The following RBPJ variants were observed in gnomAD, a reference collection of about 807,000 sequenced individuals.
RBPJ encodes the protein recombination signal binding protein for immunoglobulin kappa J region.
RBPJ carries 9 observed loss-of-function variants against 67.8 expected under a neutral mutation model. That is an observed-to-expected ratio of 0.13 (90% confidence interval 0.08 to 0.23). RBPJ has a LOEUF of 0.23. Ranked by LOEUF, RBPJ falls within the 10% of genes least tolerant of loss-of-function variation. RBPJ has a pLI of 1.00. For missense variants in RBPJ, 305 were observed against 595.6 expected, an observed-to-expected ratio of 0.51 and a Z score of 5.08; for synonymous variants, 198 against 203.3, an observed-to-expected ratio of 0.97 and a Z score of 0.22.
intron 1 of RBPJ, among the ~76,000 whole-genome samples, chr4:26,304,272 T>C (rs1197110526): frequency 6.6e-6 from 1 of 152,256 alleles, no homozygotes; most frequent in East Asian, 1.9e-4. Context: ...TTTGCATTGC[T>C]TCCACTTTGG....
At chr4:26,112,847 C>T in the RBPJ span, 1 of 150,588 alleles carries the variant, frequency 6.6e-6, no homozygotes, top group East Asian at 1.9e-4. Context: ...CAACCTCCAC[C>T]TCTCAGGTTC....
At chr4:26,375,430 A>G (rs943107861) in intron 1 of RBPJ, among the ~76,000 whole-genome samples, 8 of 152,080 alleles carry the variant, frequency 5.3e-5, no homozygotes, top group Admixed American at 1.3e-4. Flanking sequence ...ATTTGCTGCT[A>G]TCTGTTCCAA....
chr4:26,177,652 G>A (rs1716842376), intron 1 of RBPJ, among the ~76,000 whole-genome samples: 2 of 151,636 alleles, frequency 1.3e-5, no homozygotes, highest in Admixed American at 6.6e-5. Flanking sequence ...AAGGAAGAAA[G>A]AAAGAAAGAG....
At chr4:26,327,595 A>G (rs954982500) in intron 1 of RBPJ, among the ~76,000 whole-genome samples, 6 of 138,294 alleles carry the variant, frequency 4.3e-5, no homozygotes, top group Non-Finnish European at 9.0e-5. Context: ...CTAAGAGCTA[A>G]TGATTATCTG....
At chr4:26,334,291 C>A (rs1724572478) in intron 1 of RBPJ, among the ~76,000 whole-genome samples, 1 of 152,172 alleles carries the variant, frequency 6.6e-6, no homozygotes, top group East Asian at 1.9e-4. Flanking sequence ...ATCTGCCTGC[C>A]TTGGCCTTCC....
At chr4:26,205,424 T>C (rs1378354929) in intron 1 of RBPJ, among the ~76,000 whole-genome samples, 1 of 152,122 alleles carries the variant, frequency 6.6e-6, no homozygotes, top group African/African-American at 2.4e-5. Context: ...TTTTTAGCTT[T>C]TCTTATTGCC....
intron 7 of RBPJ, among the ~76,000 whole-genome samples, chr4:26,426,625 A>G (rs1279924846): frequency 1.3e-5 from 2 of 152,232 alleles, no homozygotes; most frequent in African/African-American, 4.8e-5. Context: ...GTAGTGATGA[A>G]AAAACAAAAC....
At chr4:26,282,512 C>CTT (rs11459777) in intron 1 of RBPJ, among the ~76,000 whole-genome samples, 6 of 149,068 alleles carry the variant, frequency 4.0e-5, no homozygotes, top group African/African-American at 9.8e-5. Flanking sequence ...TCATGTATTT[C>CTT]TTTTTTTTTT....
chr4:26,301,863 G>A (rs1445932055), intron 1 of RBPJ, among the ~76,000 whole-genome samples: 2 of 151,858 alleles, frequency 1.3e-5, no homozygotes, highest in African/African-American at 4.8e-5. Context: ...CGCAACCTTG[G>A]CTCACTGCAA....
intron 4 of RBPJ, among the ~76,000 whole-genome samples, chr4:26,416,366 A>G (rs1247835394): frequency 6.6e-6 from 1 of 152,092 alleles, no homozygotes; most frequent in African/African-American, 2.4e-5. Flanking sequence ...TAGCGGGACC[A>G]TAGGTGTGTG....
chr4:26,109,501 C>CACACAT, the RBPJ span, among the ~76,000 whole-genome samples: 4 of 49,188 alleles, frequency 8.1e-5, no homozygotes, highest in African/African-American at 2.5e-4. Context: ...TACACACACA[C>CACACAT]ATATATATAT....
At chr4:26,127,892 C>T in the RBPJ span, among the ~76,000 whole-genome samples, 1 of 152,232 alleles carries the variant, frequency 6.6e-6, no homozygotes, top group Non-Finnish European at 1.5e-5. Context: ...TTTTTGGCAG[C>T]TGCTCAGAGG....
At chr4:26,108,531 A>T in the RBPJ span, among the ~76,000 whole-genome samples, 1 of 152,180 alleles carries the variant, frequency 6.6e-6, no homozygotes, top group African/African-American at 2.4e-5. Flanking sequence ...TCACTCCACC[A>T]CTTACAAGCT....
chr4:26,146,805 G>A, the RBPJ span, among the ~76,000 whole-genome samples: 1 of 152,198 alleles, frequency 6.6e-6, no homozygotes, highest in Non-Finnish European at 1.5e-5. Flanking sequence ...GATCTCTACA[G>A]AGATTGCTCA....
intron 1 of RBPJ, among the ~76,000 whole-genome samples, chr4:26,260,792 C>T (rs966077192): frequency 2.8e-4 from 42 of 152,178 alleles, no homozygotes; most frequent in African/African-American, 8.9e-4. Context: ...CAAGGCCCCA[C>T]TCAAGTCTCC....
At chr4:26,423,737 T>C (rs2109816614) in intron 5 of RBPJ, among the ~76,000 whole-genome samples, 1 of 152,352 alleles carries the variant, frequency 6.6e-6, no homozygotes, top group South Asian at 2.1e-4. Context: ...CTTACATGGA[T>C]TTATTTTCAA....
intron 1 of RBPJ, among the ~76,000 whole-genome samples, chr4:26,332,515 A>G (rs1724365633): frequency 2.0e-5 from 3 of 152,170 alleles, no homozygotes; most frequent in South Asian, 2.1e-4. Flanking sequence ...GCTTGTTTTC[A>G]TAGTTATTTC....
Position 26,279,244 on chromosome 4 carries a change from A to G in RBPJ, c.-166-83202A>G, listed in dbSNP as rs554176780. Among the ~76,000 whole-genome samples, 5 of 152,280 alleles carry G rather than the reference A, an allele frequency of 3.3e-5. No homozygotes were observed. In the East Asian group the frequency reaches 7.7e-4, roughly 23 times the overall value. ...GATGATGCTGTGAGCCTAGCCACTT[A>G]TAGAAAAGGGCAAGTTTTGCTGCAC... On this transcript the variant is annotated intron_variant, in intron 1 of 4. Coordinates refer to the RBPJ transcript ENST00000512351.
At chr4:26,181,993 A>C (rs1043998656) in intron 1 of RBPJ, among the ~76,000 whole-genome samples, 3 of 152,166 alleles carry the variant, frequency 2.0e-5, no homozygotes, top group Non-Finnish European at 2.9e-5. Flanking sequence ...TCAATAATCA[A>C]TTAACTTTAG....
Sources: allele counts gnomAD v4.1 joint callset (sites outside exome capture counted in the v4.1 genomes callset), GRCh38; gene constraint gnomAD v4.1.1; transcripts MANE v1.5; gene names NCBI Gene and HGNC (gene_info 2026-07-23, HGNC 2026-07-21).